The following ARMC9 variants were observed in gnomAD, a reference collection of about 807,000 sequenced individuals.
ARMC9 encodes lisH domain-containing protein ARMC9.
ARMC9 carries 94 observed loss-of-function variants against 107.0 expected under a neutral mutation model. That is an observed-to-expected ratio of 0.88 (90% CI 0.74 to 1.04). The LOEUF (loss-of-function observed/expected upper bound fraction) is 1.04. Ranked by LOEUF, ARMC9 falls within the 50% of genes least tolerant of loss-of-function variation. The probability of loss-of-function intolerance (pLI) is 0.00; values close to 1 mark genes in which losing one functional copy is unlikely to be tolerated. For missense variants in ARMC9, 942 were observed against 1,030.1 expected, an observed-to-expected ratio of 0.91 and a Z score of 1.17; for synonymous variants, 380 against 396.9, an observed-to-expected ratio of 0.96 and a Z score of 0.51.
intron 6 of ARMC9, among the ~76,000 whole-genome samples, chr2:231,224,643 T>C (rs114380847): frequency 0.017 from 2,595 of 152,344 alleles, 74 homozygotes; most frequent in African/African-American, 0.06. Context: ...AAGCATATGC[T>C]GAAATATAGC....
At chr2:231,315,403 G>A (rs2042610439) in intron 19 of ARMC9, among the ~76,000 whole-genome samples, 1 of 152,076 alleles carries the variant, frequency 6.6e-6, no homozygotes. Flanking sequence ...GCCAGGCGTG[G>A]TGGCGCACAC....
chr2:231,289,475 A>C (rs1345957863), intron 17 of ARMC9, among the ~76,000 whole-genome samples: 1 of 152,220 alleles, frequency 6.6e-6, no homozygotes, highest in Non-Finnish European at 1.5e-5. Flanking sequence ...TCAAAAAATA[A>C]ATAAGTAAAA....
chr2:231,358,156 G>A lies in ARMC9; in HGVS notation c.2131+2222G>A, dbSNP rs1031129188. On this transcript the variant is annotated intron_variant, in intron 22 of 24. Coordinates refer to ENST00000611582, the MANE Select transcript of ARMC9 (RefSeq NM_001352754.2). This position sits in a 1 kb window ranked among gnomAD's most constrained non-coding sequence, Gnocchi z 4.5. ...TGGGCTTTGCAGATAGGGGGACTGC[G>A]GTTAAGTCCATTAAGCCAGGGTATG... Among the ~76,000 whole-genome samples the A allele has an allele frequency of 8.5e-5, 13 of 152,108 alleles. No individual in the cohort carries two copies. Among genetic ancestry groups the A allele is most frequent in the Non-Finnish European group, 1.3e-4 (9 of 68,026 alleles).
At chr2:231,327,941 G>A (rs1370648028) in intron 19 of ARMC9, among the ~76,000 whole-genome samples, 1 of 151,966 alleles carries the variant, frequency 6.6e-6, no homozygotes, top group Non-Finnish European at 1.5e-5. Context: ...CATGCCACCA[G>A]GCCTGGCTAA....
At chr2:231,258,207 C>T (rs971043808) in intron 10 of ARMC9, among the ~76,000 whole-genome samples, 4 of 152,060 alleles carry the variant, frequency 2.6e-5, no homozygotes, top group Admixed American at 2.0e-4. Flanking sequence ...TTCTTTGAGA[C>T]GGAGTCTTGC....
chr2:231,350,759 C>T (rs1218238838), intron 21 of ARMC9, among the ~76,000 whole-genome samples: 1 of 151,872 alleles, frequency 6.6e-6, no homozygotes, highest in Non-Finnish European at 1.5e-5. Flanking sequence ...TTAAATTTAA[C>T]TCCTCTTGTC....
intron 20 of ARMC9, among the ~76,000 whole-genome samples, chr2:231,334,151 G>A (rs80334892): frequency 0.014 from 2,070 of 152,308 alleles, 46 homozygotes; most frequent in African/African-American, 0.047. Flanking sequence ...TGAGTACTGA[G>A]AAACACAGAA....
At chr2:231,276,825 C>G in intron 15 of ARMC9, 50 bp downstream of exon 15, 1 of 1,597,600 alleles carries the variant, frequency 6.3e-7, no homozygotes, top group Non-Finnish European at 8.5e-7. Context: ...GAGATCTTGA[C>G]TCTTGAAGCT....
intron 1 of ARMC9, among the ~76,000 whole-genome samples, chr2:231,204,176 G>GA (rs5839392): frequency 2.0e-3 from 196 of 98,218 alleles, no homozygotes; most frequent in Middle Eastern, 0.016. Flanking sequence ...TCTGTCTCAG[G>GA]AAAAAAAAAA....
chr2:231,300,998 C>T (rs768401914), intron 19 of ARMC9, among the ~76,000 whole-genome samples: 1 of 152,014 alleles, frequency 6.6e-6, no homozygotes, highest in Non-Finnish European at 1.5e-5. Context: ...CATCAACCCC[C>T]CCAAGAAACC....
intron 21 of ARMC9, among the ~76,000 whole-genome samples, chr2:231,353,767 T>C (rs992661497): frequency 6.6e-6 from 1 of 151,984 alleles, no homozygotes; most frequent in Non-Finnish European, 1.5e-5. Context: ...TGTCATTCCT[T>C]TGGTTCTCCA....
Position 231,240,005 on chromosome 2 carries a change from C to T in ARMC9, c.843C>T (p.Ser281=), listed in dbSNP as rs775687932. The change falls in exon 9 of 25, where the codon AGC becomes AGT. Residue 281 remains serine (S), a synonymous_variant. Transcript: ENST00000611582. ...VRLFSNQMRQ[S]LAHSVDFTRP... is the part of the protein sequence containing the mutation. ...TGTTCAGTAACCAGATGCGGCAGAG[C>T]CTGGCGCATAGTGTGGACTTCACGA... 2.3e-4 allele frequency: 378 copies of T among 1,613,754 alleles called. No homozygotes were observed. Among genetic ancestry groups the T allele is most frequent in the Non-Finnish European group, 3.0e-4 (354 of 1,179,900 alleles).
chr2:231,291,571 A>T, intron 18 of ARMC9, 128 bp downstream of exon 18: 1 of 863,858 alleles, frequency 1.2e-6, no homozygotes, highest in Non-Finnish European at 1.8e-6. Context: ...TAATCCCAGC[A>T]CTTTGGGAGG....
chr2:231,213,390 C>T (rs925227784), intron 3 of ARMC9, among the ~76,000 whole-genome samples: 1 of 151,656 alleles, frequency 6.6e-6, no homozygotes, highest in Non-Finnish European at 1.5e-5. Context: ...TCTTGAGCTC[C>T]TGGGCAAACG....
At chr2:231,351,652 TTTTG>T (rs1201787025) in intron 21 of ARMC9, among the ~76,000 whole-genome samples, 5 of 152,142 alleles carry the variant, frequency 3.3e-5, no homozygotes, top group Admixed American at 6.6e-5. Context: ...GCAGTTTGAT[TTTTG>T]TTTGTTTTCT....
intron 17 of ARMC9, 76 bp from the exon 18 acceptor site, chr2:231,291,277 A>G (rs1359630617): frequency 8.3e-7 from 1 of 1,198,020 alleles, no homozygotes; most frequent in African/African-American, 1.5e-5. Context: ...TTTGGATTAG[A>G]TGAGATGACC....
At chr2:231,246,958 A>G (rs75455791) in intron 9 of ARMC9, among the ~76,000 whole-genome samples, 1 of 138,692 alleles carries the variant, frequency 7.2e-6, no homozygotes, top group South Asian at 2.2e-4. Flanking sequence ...ACACTTGGCT[A>G]ATTTTTTTTT....
intron 21 of ARMC9, among the ~76,000 whole-genome samples, chr2:231,352,252 A>G (rs1028831319): frequency 1.3e-5 from 2 of 150,770 alleles, no homozygotes; most frequent in African/African-American, 4.9e-5. Context: ...GTGAGCCACT[A>G]TGCCCAGCCC....
In ARMC9 at chr2:231,374,621, A is replaced by G. The variant is rs1423102661; in HGVS notation, c.*3086A>G. 1 of 151,904 alleles carries G rather than the reference A, an allele frequency of 6.6e-6. No individual in the cohort carries two copies. Among genetic ancestry groups the G allele is most frequent in the Non-Finnish European group, 1.5e-5 (1 of 68,018 alleles). The allele number at this position is 151,904 out of a possible 1,614,324, so 9.4% of individuals were successfully genotyped here. A position where few individuals can be genotyped will look rare whatever the true frequency, so the allele number is the denominator to read the frequency against. ...ATGAAAAAAAAAGAAAAGAAAGAAAAGGTAAAGAAAAGAAATCCATGATAA... is the reference window on the plus strand; with the variant it reads ...ATGAAAAAAAAAGAAAAGAAAGAAAGGGTAAAGAAAAGAAATCCATGATAA... On this transcript the variant is annotated 3_prime_UTR_variant, in exon 25 of 25. Transcript: ENST00000611582.
Sources: allele counts gnomAD v4.1 joint callset (sites outside exome capture counted in the v4.1 genomes callset), GRCh38; gene constraint gnomAD v4.1.1; non-coding constraint Gnocchi (gnomAD v3.1); transcripts MANE v1.5; gene names NCBI Gene and HGNC (gene_info 2026-07-23, HGNC 2026-07-21).